The following CEP41 variants were observed in gnomAD, a reference collection of about 807,000 sequenced individuals.
CEP41 encodes centrosomal protein of 41 kDa.
Under a neutral mutation model 44.3 loss-of-function variants are expected in CEP41, and 32 were observed. The observed-to-expected ratio is 0.72, with a 90% CI of 0.54 to 0.97. The LOEUF (loss-of-function observed/expected upper bound fraction) is 0.97, where lower values mean the gene tolerates loss of function less well. Ranked by LOEUF, CEP41 falls within the 50% of genes least tolerant of loss-of-function variation. The pLI, the probability that CEP41 is intolerant of heterozygous loss-of-function variation, is 0.00. For missense variants in CEP41, 432 were observed against 455.2 expected (o/e 0.95, Z 0.46); for synonymous variants, 151 against 168.5 (o/e 0.90, Z 0.80).
chr7:130,405,226 A>G (rs1191467971), intron 5 of CEP41, among the ~76,000 whole-genome samples: 3 of 152,206 alleles, frequency 2.0e-5, no homozygotes, highest in Admixed American at 6.5e-5. Context: ...CGTTTGCTAC[A>G]TACCAAATTA....
chr7:130,408,793 A>G (rs1797087068), intron 5 of CEP41, among the ~76,000 whole-genome samples: 1 of 152,078 alleles, frequency 6.6e-6, no homozygotes, highest in Non-Finnish European at 1.5e-5. Flanking sequence ...TATTTTATAA[A>G]GGTGAAAAAT....
intron 4 of CEP41, chr7:130,411,870 T>C: frequency 4.2e-6 from 1 of 237,666 alleles, no homozygotes. Context: ...CAATCCAGGA[T>C]CCAGAATTTT....
At chr7:130,440,594 A>AC in intron 1 of CEP41, 1 of 501,770 alleles carries the variant, frequency 2.0e-6, no homozygotes. Context: ...ACGTGCCATT[A>AC]GTGTGCAGCG....
intron 5 of CEP41, among the ~76,000 whole-genome samples, chr7:130,406,901 T>C (rs1333476647): frequency 4.6e-5 from 7 of 151,718 alleles, no homozygotes; most frequent in African/African-American, 1.7e-4. Context: ...CACACCAACA[T>C]GGCACATATA....
intron 5 of CEP41, among the ~76,000 whole-genome samples, chr7:130,407,253 AACACACACACACACACACAC>A (rs60030288): frequency 2.0e-4 from 26 of 129,398 alleles, no homozygotes; most frequent in African/African-American, 6.0e-4. Flanking sequence ...AACAAGAGTA[AACACACACACACACACACAC>A]ACACACACAC....
intron 5 of CEP41, among the ~76,000 whole-genome samples, chr7:130,409,893 G>C (rs913768630): frequency 6.6e-6 from 1 of 152,012 alleles, no homozygotes; most frequent in Non-Finnish European, 1.5e-5. Flanking sequence ...AAACATGCCT[G>C]GTGTGCTGTC....
rs1284797825 is a variant in CEP41, at chr7:130,420,078, T to C, written c.98-3112A>G. ...GGATCATGCCTGCAATCCCAGCACG[T>C]TGGGAGGCTGAGGAGGCAGGATTGC... On this transcript the variant is annotated intron_variant, in intron 2 of 10. Transcript: ENST00000223208. The C allele has an allele frequency of 5.1e-6, 5 of 984,674 alleles. No individual in the cohort carries two copies. In the African/African-American group the frequency reaches 7.0e-5, roughly 14 times the overall value. 61.0% of individuals were successfully genotyped at this position (984,674 alleles called of 1,614,324 possible). A position where few individuals can be genotyped will look rare whatever the true frequency, so the allele number is the denominator to read the frequency against.
In CEP41 at chr7:130,394,405, T is replaced by C. The variant is rs1334531807; in HGVS notation, c.*4486A>G. On this transcript the variant is annotated 3_prime_UTR_variant, in exon 11 of 11. Transcript: ENST00000223208. ...AAGAATCTAGGAGCAAAGTAAGCTC[T>C]CCACAAACATTGGCTAGTATTATTA... is the stretch of plus-strand genomic sequence containing the variant. The C allele has an allele frequency of 1.5e-5, 7 of 454,002 alleles. No homozygotes were observed. Among genetic ancestry groups the C allele is most frequent in the Non-Finnish European group, 2.6e-5 (6 of 226,808 alleles). The allele number at this position is 454,002 out of a possible 1,614,324, so 28.1% of individuals were successfully genotyped here.
chr7:130,398,223 C>G lies in CEP41; in HGVS notation c.*668G>C. On this transcript the variant is annotated 3_prime_UTR_variant, in exon 11 of 11. Transcript: ENST00000223208. ...ACCCACATGCATACCTTTCTGGCTC[C>G]AGGAAATATCTAGTAAGGGGGAGCA... is the stretch of plus-strand genomic sequence containing the variant. 2 of 454,094 alleles carry G rather than the reference C, an allele frequency of 4.4e-6. No individual in the cohort carries two copies. Among genetic ancestry groups the G allele is most frequent in the South Asian group, 3.1e-5 (2 of 64,460 alleles). The allele number at this position is 454,094 out of a possible 1,614,324, so 28.1% of individuals were successfully genotyped here.
intron 2 of CEP41, chr7:130,421,896 G>A (rs1797519780): frequency 1.3e-6 from 2 of 1,527,836 alleles, no homozygotes; most frequent in African/African-American, 1.4e-5. Flanking sequence ...GAATATACAA[G>A]AACCCTGCGG....
rs147494464 is a variant in CEP41 at position 130,440,947 on chromosome 7, A to G, written c.20T>C (p.Ile7Thr). The G allele has an allele frequency of 3.0e-4, 484 of 1,612,618 alleles. No homozygotes were observed. In the African/African-American group the frequency reaches 4.6e-3, roughly 15 times the overall value. ...CCTGGCCCTCACCTCAGGGTTCCCAATGTGCCTCCGGAGGGACATATTTTC... is the reference window on the plus strand; with the variant it reads ...CCTGGCCCTCACCTCAGGGTTCCCAGTGTGCCTCCGGAGGGACATATTTTC... MSLRRH[I>T]GNPEYLMKRI... Residue 7 changes from isoleucine (I) to threonine (T), a missense_variant, in exon 1 of 11, where the codon ATT becomes ACT. Coordinates refer to ENST00000223208, the MANE Select transcript of CEP41 (RefSeq NM_018718.3).
chr7:130,401,061 C>T (rs547407004), intron 8 of CEP41: 64 of 495,560 alleles, frequency 1.3e-4, no homozygotes, highest in African/African-American at 9.4e-4. Context: ...GCACTAGTTC[C>T]GGACTTTACA....
intron 2 of CEP41, among the ~76,000 whole-genome samples, chr7:130,422,899 A>G (rs1405433327): frequency 6.6e-6 from 1 of 152,216 alleles, no homozygotes; most frequent in African/African-American, 2.4e-5. Flanking sequence ...TTTGCAAATC[A>G]TATTTCTGAC....
chr7:130,398,980 C>A lies in CEP41; in HGVS notation c.1033G>T (p.Ala345Ser), dbSNP rs184146463. ...RESKVPGARS[A>S]QNLPGGGPAS... is the part of the protein sequence containing the mutation. ...GGGCCGCCACCTGGCAGATTCTGAG[C>A]GCTTCGGGCACCAGGCACCTTGGAC... is the stretch of plus-strand genomic sequence containing the variant. The change falls in exon 11 of 11, where the codon GCT becomes TCT. Residue 345 changes from alanine (A) to serine (S), a missense_variant. Coordinates refer to ENST00000223208, the MANE Select transcript of CEP41 (RefSeq NM_018718.3). 6.6e-5 allele frequency: 107 copies of A among 1,614,186 alleles called. No individual in the cohort carries two copies. The highest frequency in any genetic ancestry group is 8.8e-5 in the Non-Finnish European group (104 of 1,180,040).
intron 2 of CEP41, among the ~76,000 whole-genome samples, chr7:130,423,182 A>T (rs1162685837): frequency 1.3e-5 from 2 of 152,188 alleles, no homozygotes; most frequent in African/African-American, 4.8e-5. Context: ...TCCTGAGCTA[A>T]GGCAATCCAC....
rs142725342 is a variant in CEP41, at chr7:130,394,776, T to C, written c.*4115A>G. 5.3e-4 allele frequency: 239 copies of C among 454,092 alleles called. 1 individual carries two copies. The highest frequency in any genetic ancestry group is 4.5e-3 in the African/African-American group (224 of 50,112). 28.1% of individuals were successfully genotyped at this position (454,092 alleles called of 1,614,324 possible). Reference sequence around the variant, plus strand: ...AATTCATTTATTCATGAACACTTATTAAGGGCCACTGTCACAGGGTTGGTG... The same window carrying C: ...AATTCATTTATTCATGAACACTTATCAAGGGCCACTGTCACAGGGTTGGTG... On this transcript the variant is annotated 3_prime_UTR_variant, in exon 11 of 11. Transcript: ENST00000223208.
chr7:130,440,805 A>AACCCC, intron 1 of CEP41, 129 bp downstream of exon 1: 3 of 352,302 alleles, frequency 8.5e-6, no homozygotes, highest in Non-Finnish European at 1.7e-5. Context: ...CTGCATCCCG[A>AACCCC]CCCCTCCTCA....
intron 5 of CEP41, among the ~76,000 whole-genome samples, chr7:130,410,505 C>T (rs1554419358): frequency 6.6e-6 from 1 of 152,198 alleles, no homozygotes; most frequent in Admixed American, 6.5e-5. Context: ...ACTCAGGTCC[C>T]TTCCTTATTA....
chr7:130,425,936 G>A (rs1554423356), intron 2 of CEP41, among the ~76,000 whole-genome samples: 3 of 152,198 alleles, frequency 2.0e-5, no homozygotes, highest in South Asian at 4.1e-4. Flanking sequence ...CAGCATTTGT[G>A]AAATGACAAA....
Sources: gnomAD v4.1 joint callset for allele counts (sites outside exome capture counted in the v4.1 genomes callset) on GRCh38, gnomAD v4.1.1 for gene constraint, MANE v1.5 for transcripts, NCBI Gene and HGNC (gene_info 2026-07-23, HGNC 2026-07-21) for gene names.